The following OPCML variants were observed in gnomAD, a reference collection of about 807,000 sequenced individuals.
OPCML encodes the protein opioid binding protein/cell adhesion molecule like.
A neutral mutation model predicts 37.8 loss-of-function variants in OPCML; 13 were observed. That is an observed-to-expected ratio of 0.34 (90% confidence interval 0.22 to 0.55). OPCML has a LOEUF of 0.55. Among genes scored for constraint, OPCML ranks in the 20% least tolerant of loss-of-function variants. OPCML has a pLI of 0.91. For synonymous variants in OPCML, 176 were observed against 168.8 expected, an observed-to-expected ratio of 1.04 and a Z score of -0.33; for missense variants, 341 against 435.6, an observed-to-expected ratio of 0.78 and a Z score of 1.93.
intron 2 of OPCML, among the ~76,000 whole-genome samples, chr11:132,800,769 A>G (rs1255411607): frequency 1.3e-5 from 2 of 152,282 alleles, no homozygotes; most frequent in South Asian, 4.1e-4. Context: ...GTCATGATGT[A>G]TAATCCTTTT....
intron 3 of OPCML, among the ~76,000 whole-genome samples, chr11:132,572,342 G>T (rs1201814989): frequency 6.6e-6 from 1 of 152,042 alleles, no homozygotes; most frequent in African/African-American, 2.4e-5. Context: ...CTGTCATGAA[G>T]ATTTTTTCCC....
chr11:132,448,877 T>A (rs1203911438), intron 4 of OPCML, among the ~76,000 whole-genome samples: 1 of 152,226 alleles, frequency 6.6e-6, no homozygotes, highest in East Asian at 1.9e-4. Flanking sequence ...ATTTTTTCTG[T>A]CAATACAAAA....
Position 132,575,675 on chromosome 11 carries a change from A to G in OPCML, c.380-46489T>C, listed in dbSNP as rs1358557205. 3.3e-5 allele frequency among the ~76,000 whole-genome samples: 5 copies of G among 152,150 alleles called. No homozygotes were observed. In the East Asian group the frequency reaches 9.6e-4, roughly 29 times the overall value. ...TAAAAGTGACTTACTCACTACCATT[A>G]CAGTAATACAGTATTCTGTATGTTT... On this transcript the variant is annotated intron_variant, in intron 3 of 7. Transcript: ENST00000524381.
At chr11:132,487,659 C>G (rs1323885819) in intron 4 of OPCML, among the ~76,000 whole-genome samples, 1 of 152,130 alleles carries the variant, frequency 6.6e-6, no homozygotes, top group Admixed American at 6.5e-5. Context: ...TGGGGTTTTC[C>G]TCCTCCAGGA....
At chr11:132,565,831 A>G (rs11223126) in intron 3 of OPCML, among the ~76,000 whole-genome samples, 3,279 of 152,238 alleles carry the variant, frequency 0.022, 170 homozygotes, top group East Asian at 0.21. Flanking sequence ...TCAGGAGTTC[A>G]AGACTAGCCT....
Position 133,177,534 on chromosome 11 carries a change from T to C in OPCML, c.62-234524A>G, listed in dbSNP as rs1454986008. ...GGACAGGAAAGACTGCACCAGACCC[T>C]AGCTTTCCCAGGGAAAGGAACTCTA... On this transcript the variant is annotated intron_variant, in intron 1 of 7. Transcript: ENST00000524381. The surrounding 1 kb of genome is among the most constrained non-coding windows in gnomAD (Gnocchi z 5.0). Among the ~76,000 whole-genome samples, 2 of 152,160 alleles carry C rather than the reference T, an allele frequency of 1.3e-5. No individual in the cohort carries two copies. Among genetic ancestry groups the C allele is most frequent in the Admixed American group, 6.5e-5 (1 of 15,272 alleles).
At chr11:132,426,229 A>G (rs1386811117) in intron 7 of OPCML, among the ~76,000 whole-genome samples, 1 of 152,222 alleles carries the variant, frequency 6.6e-6, no homozygotes, top group African/African-American at 2.4e-5. Context: ...GAGACCAGAT[A>G]TGGTTAAGAG....
intron 2 of OPCML, among the ~76,000 whole-genome samples, chr11:132,814,523 T>C (rs1421120428): frequency 6.6e-6 from 1 of 152,214 alleles, no homozygotes; most frequent in Non-Finnish European, 1.5e-5. Context: ...AAATTCCTTC[T>C]TCCTCTGCCT....
chr11:133,389,946 C>T (rs73604506), intron 1 of OPCML, among the ~76,000 whole-genome samples: 2,635 of 152,304 alleles, frequency 0.017, 80 homozygotes, highest in African/African-American at 0.06. Context: ...AAAGCTGAGG[C>T]CATCCCTGGA....
At chr11:133,461,322 ACT>A (rs1283235124) in intron 1 of OPCML, among the ~76,000 whole-genome samples, 5 of 151,724 alleles carry the variant, frequency 3.3e-5, no homozygotes, top group Non-Finnish European at 7.4e-5. Flanking sequence ...TAGGTAAAAA[ACT>A]CTAAATGTCA....
chr11:133,415,911 GA>G (rs1337921328), intron 1 of OPCML, among the ~76,000 whole-genome samples: 11 of 152,152 alleles, frequency 7.2e-5, no homozygotes, highest in African/African-American at 2.2e-4. Flanking sequence ...ACTGGCAAAT[GA>G]AACAGAAGCC....
chr11:132,689,112 G>A (rs1197062666), intron 2 of OPCML, among the ~76,000 whole-genome samples: 1 of 152,122 alleles, frequency 6.6e-6, no homozygotes, highest in Non-Finnish European at 1.5e-5. Flanking sequence ...CGGGAATGCT[G>A]TTTCAGTCTG....
chr11:132,478,990 C>A (rs1182341077), intron 4 of OPCML, among the ~76,000 whole-genome samples: 1 of 151,920 alleles, frequency 6.6e-6, no homozygotes, highest in Non-Finnish European at 1.5e-5. Flanking sequence ...TAGAGCACAT[C>A]AAAACAAAAT....
chr11:132,490,736 G>A (rs1011142103), intron 4 of OPCML, among the ~76,000 whole-genome samples: 6 of 151,318 alleles, frequency 4.0e-5, no homozygotes, highest in South Asian at 4.2e-4. Flanking sequence ...GGAGGATGGC[G>A]TGAACCAGAG....
At chr11:132,611,578 T>C (rs1482866817) in intron 3 of OPCML, among the ~76,000 whole-genome samples, 1 of 152,216 alleles carries the variant, frequency 6.6e-6, no homozygotes, top group African/African-American at 2.4e-5. Context: ...GAATTTTGTA[T>C]TTCTCCAGAG....
chr11:133,460,491 C>CA (rs927969708), intron 1 of OPCML, among the ~76,000 whole-genome samples: 6 of 151,196 alleles, frequency 4.0e-5, no homozygotes, highest in African/African-American at 4.9e-5. Flanking sequence ...AGCAAGAAGA[C>CA]AAAAAAATCA....
intron 1 of OPCML, among the ~76,000 whole-genome samples, chr11:133,011,844 T>C (rs1237874703): frequency 2.0e-5 from 3 of 152,194 alleles, no homozygotes; most frequent in Non-Finnish European, 4.4e-5. Flanking sequence ...ATAGCATGCA[T>C]TGAAAGGCTC....
intron 1 of OPCML, among the ~76,000 whole-genome samples, chr11:133,492,701 G>A (rs1328280057): frequency 1.5e-5 from 2 of 137,144 alleles, no homozygotes; most frequent in African/African-American, 3.0e-5. Flanking sequence ...AGCTAAGCAG[G>A]CAATTACTGC....
intron 1 of OPCML, among the ~76,000 whole-genome samples, chr11:133,481,900 C>T (rs1040340585): frequency 6.6e-6 from 1 of 152,084 alleles, no homozygotes; most frequent in African/African-American, 2.4e-5. Flanking sequence ...AATGGACCGA[C>T]CTAAAGGTCT....
Sources: allele counts gnomAD v4.1 joint callset (sites outside exome capture counted in the v4.1 genomes callset), GRCh38; gene constraint gnomAD v4.1.1; non-coding constraint Gnocchi (gnomAD v3.1); transcripts MANE v1.5; gene names NCBI Gene and HGNC (gene_info 2026-07-23, HGNC 2026-07-21).